SFXN1: variants seen among roughly 807,000 people sequenced by gnomAD.
The protein encoded by SFXN1 is sideroflexin-1.
Under a neutral mutation model 39.5 loss-of-function variants are expected in SFXN1, and 32 were observed. The observed-to-expected ratio is 0.81, with a 90% CI of 0.61 to 1.09. SFXN1 has a LOEUF of 1.09. Ranked by LOEUF, SFXN1 falls within the 50% of genes least tolerant of loss-of-function variation. The pLI, the probability that SFXN1 is intolerant of heterozygous loss-of-function variation, is 0.00. For missense variants in SFXN1, 402 were observed against 407.1 expected, an observed-to-expected ratio of 0.99 and a Z score of 0.11; for synonymous variants, 136 against 146.5, an observed-to-expected ratio of 0.93 and a Z score of 0.52.
chr5:175,508,343 A>G (rs1399878156), intron 2 of SFXN1, among the ~76,000 whole-genome samples: 1 of 147,738 alleles, frequency 6.8e-6, no homozygotes, highest in Non-Finnish European at 1.5e-5. Context: ...CTCTTGCCTC[A>G]GCCTCCCAGG....
chr5:175,498,347 C>G (rs1414014210), intron 2 of SFXN1, among the ~76,000 whole-genome samples: 6 of 132,670 alleles, frequency 4.5e-5, no homozygotes, highest in Non-Finnish European at 1.7e-5. Flanking sequence ...TTAACCCTCA[C>G]AACCTTTGAG....
chr5:175,487,491 T>C (rs1213733601), intron 1 of SFXN1, among the ~76,000 whole-genome samples: 1 of 152,068 alleles, frequency 6.6e-6, no homozygotes, highest in Non-Finnish European at 1.5e-5. Context: ...ACCAATAGAT[T>C]TACCTCTCAT....
intron 2 of SFXN1, among the ~76,000 whole-genome samples, chr5:175,497,306 A>G (rs1272365610): frequency 6.6e-6 from 1 of 152,188 alleles, no homozygotes; most frequent in East Asian, 1.9e-4. Flanking sequence ...TTCAGGGGAG[A>G]TTAGTTCAAG....
intron 2 of SFXN1, among the ~76,000 whole-genome samples, chr5:175,504,491 C>T (rs1318966818): frequency 6.6e-6 from 1 of 150,976 alleles, no homozygotes; most frequent in African/African-American, 2.4e-5. Flanking sequence ...AGGAGAATCG[C>T]TTGAACCTGG....
rs1239009231 is a variant in SFXN1, at chr5:175,494,675, C to G, written c.164+2408C>G. Among the ~76,000 whole-genome samples, 3 of 151,736 alleles carry G rather than the reference C, an allele frequency of 2.0e-5. No individual in the cohort carries two copies. In the South Asian group the frequency reaches 6.2e-4, roughly 32 times the overall value. ...GCAGAGACAGGAGAACCGCTTGAAC[C>G]TGGGAGGCAGAGGTTGCAGTGAGCC... On this transcript the variant is annotated intron_variant, in intron 2 of 10. Transcript: ENST00000321442.
At chr5:175,504,177 C>G (rs189471046) in intron 2 of SFXN1, among the ~76,000 whole-genome samples, 2 of 152,186 alleles carry the variant, frequency 1.3e-5, no homozygotes, top group Admixed American at 1.3e-4. Flanking sequence ...ATTAACTGTT[C>G]GAAGTTTCCA....
chr5:175,487,499 C>A (rs757039629), intron 1 of SFXN1, among the ~76,000 whole-genome samples: 70 of 152,168 alleles, frequency 4.6e-4, no homozygotes, highest in Non-Finnish European at 9.6e-4. Context: ...ATTTACCTCT[C>A]ATCTTTCAGG....
intron 8 of SFXN1, among the ~76,000 whole-genome samples, chr5:175,520,337 C>T (rs1426810113): frequency 6.6e-6 from 1 of 152,006 alleles, no homozygotes; most frequent in East Asian, 1.9e-4. Flanking sequence ...AAGATATGTT[C>T]CTACCTTGAG....
At chr5:175,515,466 T>A (rs770869086) in intron 7 of SFXN1, among the ~76,000 whole-genome samples, 2 of 152,230 alleles carry the variant, frequency 1.3e-5, no homozygotes, top group African/African-American at 2.4e-5. Context: ...CCTAGTGCAA[T>A]TTATAAGAGT....
intron 1 of SFXN1, among the ~76,000 whole-genome samples, chr5:175,482,024 A>G (rs1312861768): frequency 6.6e-6 from 1 of 152,194 alleles, no homozygotes; most frequent in African/African-American, 2.4e-5. Context: ...AGAACTGTGA[A>G]GGCTGTGTCA....
At chr5:175,512,291 A>C in intron 6 of SFXN1, 95 bp downstream of exon 6, 2 of 1,084,016 alleles carry the variant, frequency 1.8e-6, no homozygotes, top group Admixed American at 4.0e-5. Context: ...TGCTTGTTTT[A>C]ATATGTATAG....
rs1760611947 is a variant in SFXN1, at chr5:175,513,605, G to C, written c.724+15G>C. ...CCCTGGCATGGGTTAGCAGGACTTTGTCATTTATTCCATAAATACAGGTTG... is the reference window on the plus strand; with the variant it reads ...CCCTGGCATGGGTTAGCAGGACTTTCTCATTTATTCCATAAATACAGGTTG... On this transcript the variant is annotated intron_variant, in intron 7 of 10. Transcript: ENST00000321442. The C allele has an allele frequency of 1.9e-6, 3 of 1,613,148 alleles. No individual in the cohort carries two copies. Among genetic ancestry groups the C allele is most frequent in the East Asian group, 4.5e-5 (2 of 44,840 alleles).
intron 4 of SFXN1, 21 bp downstream of exon 4, chr5:175,510,228 C>G: frequency 6.4e-7 from 1 of 1,573,846 alleles, no homozygotes; most frequent in Non-Finnish European, 8.7e-7. Context: ...GAGAATTGAC[C>G]ACTCTCTGCA....
intron 1 of SFXN1, among the ~76,000 whole-genome samples, chr5:175,486,353 AC>A (rs1759449229): frequency 6.6e-6 from 1 of 152,244 alleles, no homozygotes; most frequent in African/African-American, 2.4e-5. Context: ...CTGCCATGCA[AC>A]CTGGGCAAGT....
At chr5:175,520,428 G>A (rs73805564) in intron 8 of SFXN1, among the ~76,000 whole-genome samples, 2,955 of 152,200 alleles carry the variant, frequency 0.019, 90 homozygotes, top group African/African-American at 0.067. Context: ...GCAAGGTAGG[G>A]GTGAATAAGG....
intron 7 of SFXN1, among the ~76,000 whole-genome samples, chr5:175,515,205 CA>C (rs1182131134): frequency 6.6e-6 from 1 of 152,138 alleles, no homozygotes. Flanking sequence ...TTTGTAGAAA[CA>C]GGGTTTTGGT....
chr5:175,509,805 C>G (rs773670247), intron 3 of SFXN1, among the ~76,000 whole-genome samples: 6 of 152,038 alleles, frequency 3.9e-5, no homozygotes, highest in Non-Finnish European at 8.8e-5. Context: ...TCTTTTTTCC[C>G]CAAGAGAAGG....
intron 10 of SFXN1, among the ~76,000 whole-genome samples, chr5:175,524,481 T>C (rs1304571634): frequency 1.3e-5 from 2 of 152,056 alleles, no homozygotes; most frequent in African/African-American, 4.8e-5. Context: ...GTCTCCTATG[T>C]GAACAAGTGA....
At chr5:175,505,637 G>A (rs918099523) in intron 2 of SFXN1, among the ~76,000 whole-genome samples, 2 of 151,704 alleles carry the variant, frequency 1.3e-5, no homozygotes, top group African/African-American at 4.8e-5. Context: ...AAGAAGAATA[G>A]CGTGTGGGAC....
Sources: allele counts gnomAD v4.1 joint callset (sites outside exome capture counted in the v4.1 genomes callset), GRCh38; gene constraint gnomAD v4.1.1; transcripts MANE v1.5; gene names NCBI Gene and HGNC (gene_info 2026-07-23, HGNC 2026-07-21).